The following CCDC181 variants were observed in gnomAD, a reference collection of about 807,000 sequenced individuals.
The protein encoded by CCDC181 is coiled-coil domain-containing protein 181.
In CCDC181, 35 loss-of-function variants were observed where a neutral mutation model predicts 58.7. The ratio of observed to expected loss-of-function variants is 0.60; its 90% CI spans 0.46 to 0.79. The LOEUF (loss-of-function observed/expected upper bound fraction) is 0.79, where lower values mean the gene tolerates loss of function less well. Ranked by LOEUF, CCDC181 falls within the 30% of genes least tolerant of loss-of-function variation. The pLI is 0.00. For missense variants in CCDC181, 517 were observed against 583.9 expected (o/e 0.89, Z 1.18); for synonymous variants, 183 against 197.5 (o/e 0.93, Z 0.62).
chr1:169,404,673 A>T (rs898342327), intron 4 of CCDC181, among the ~76,000 whole-genome samples: 3 of 152,192 alleles, frequency 2.0e-5, no homozygotes, highest in Admixed American at 6.5e-5. Flanking sequence ...AAATAATGAG[A>T]GCTATTTATG....
chr1:169,398,691 A>G (rs1655183220), intron 4 of CCDC181, among the ~76,000 whole-genome samples: 2 of 152,266 alleles, frequency 1.3e-5, no homozygotes, highest in Admixed American at 1.3e-4. Context: ...AGTGCTTAAC[A>G]GACACACATG....
chr1:169,459,390 A>G (rs1038177645), intron 2 of CCDC181, among the ~76,000 whole-genome samples: 1 of 152,146 alleles, frequency 6.6e-6, no homozygotes, highest in Non-Finnish European at 1.5e-5. Flanking sequence ...TAGAATTTCT[A>G]CCCATCTGGG....
At chr1:169,401,916 T>C (rs533484369) in intron 4 of CCDC181, among the ~76,000 whole-genome samples, 2 of 152,038 alleles carry the variant, frequency 1.3e-5, no homozygotes, top group African/African-American at 4.8e-5. Flanking sequence ...AAAAAAAGAT[T>C]AGACGAATGG....
chr1:169,411,427 A>G lies in CCDC181; in HGVS notation c.1215+7586T>C, dbSNP rs151107193. Among the ~76,000 whole-genome samples, 275 of 152,348 alleles carry G rather than the reference A, an allele frequency of 1.8e-3. 1 individual carries two copies. Among genetic ancestry groups the G allele is most frequent in the African/African-American group, 6.2e-3 (256 of 41,574 alleles). ...TACCAACCAAAAAAAGCCAAGGACC[A>G]GACAGATTCACAGCTGAATTCTATC... On this transcript the variant is annotated intron_variant, in intron 4 of 5. Coordinates refer to ENST00000367806, the MANE Select transcript of CCDC181 (RefSeq NM_001300969.2).
chr1:169,427,889 C>G (rs1350107839), upstream of CCDC181, among the ~76,000 whole-genome samples: 1 of 152,102 alleles, frequency 6.6e-6, no homozygotes, highest in East Asian at 1.9e-4. Flanking sequence ...TTTGCTCTAG[C>G]TTTGAGGCAT....
intron 4 of CCDC181, among the ~76,000 whole-genome samples, chr1:169,399,386 A>C (rs1163232170): frequency 2.0e-5 from 3 of 152,208 alleles, no homozygotes; most frequent in African/African-American, 7.2e-5. Context: ...TCATGCTTTA[A>C]ATGATTATTT....
intron 4 of CCDC181, among the ~76,000 whole-genome samples, chr1:169,416,311 T>C (rs1345591568): frequency 1.3e-5 from 2 of 152,178 alleles, no homozygotes; most frequent in Non-Finnish European, 1.5e-5. Context: ...ACGCCAGCCT[T>C]CTAGTCAAGT....
chr1:169,443,485 A>G (rs1441117912), intron 2 of CCDC181: 1 of 152,178 alleles, frequency 6.6e-6, no homozygotes, highest in African/African-American at 2.4e-5. Context: ...AGAAATCAAC[A>G]AACATAATTT....
intron 2 of CCDC181, among the ~76,000 whole-genome samples, chr1:169,445,742 C>G (rs1454890331): frequency 1.3e-5 from 2 of 152,128 alleles, no homozygotes; most frequent in Non-Finnish European, 2.9e-5. Flanking sequence ...TACATTTCAC[C>G]AGTGAAACAA....
intron 4 of CCDC181, among the ~76,000 whole-genome samples, chr1:169,400,761 G>A (rs899178463): frequency 1.2e-4 from 18 of 152,182 alleles, no homozygotes; most frequent in East Asian, 3.9e-4. Flanking sequence ...TGCAGAAGAC[G>A]GGTGATTTCT....
At chr1:169,430,258 T>C (rs1656879706), upstream of CCDC181, among the ~76,000 whole-genome samples, 1 of 152,226 alleles carries the variant, frequency 6.6e-6, no homozygotes, top group South Asian at 2.1e-4. Flanking sequence ...TGCTTAGTTT[T>C]CCTTTGGCTC....
upstream of CCDC181, among the ~76,000 whole-genome samples, chr1:169,429,102 A>T (rs191248599): frequency 6.6e-6 from 1 of 152,304 alleles, no homozygotes; most frequent in East Asian, 1.9e-4. Flanking sequence ...AATAACCTCC[A>T]TTTCCATCCA....
intron 4 of CCDC181, among the ~76,000 whole-genome samples, chr1:169,401,459 G>C (rs976135491): frequency 6.6e-6 from 1 of 152,206 alleles, no homozygotes; most frequent in African/African-American, 2.4e-5. Flanking sequence ...GCTTCCAGAG[G>C]AAGGATCAGG....
intron 2 of CCDC181, among the ~76,000 whole-genome samples, chr1:169,455,114 A>C (rs546161378): frequency 1.3e-5 from 2 of 151,980 alleles, no homozygotes; most frequent in Non-Finnish European, 2.9e-5. Flanking sequence ...ATGAGAGTTA[A>C]ATTAGTAATA....
At chr1:169,452,053 G>C (rs1271548005) in intron 2 of CCDC181, among the ~76,000 whole-genome samples, 7 of 151,930 alleles carry the variant, frequency 4.6e-5, no homozygotes, top group Non-Finnish European at 1.0e-4. Context: ...GCGTAGACAT[G>C]GTTCATAAAG....
At chr1:169,420,524 C>T (rs1378601683) in intron 3 of CCDC181, among the ~76,000 whole-genome samples, 1 of 151,430 alleles carries the variant, frequency 6.6e-6, no homozygotes, top group Non-Finnish European at 1.5e-5. Context: ...AATTTTTATT[C>T]CAGTTTGCTA....
chr1:169,403,697 A>C (rs866700770), intron 4 of CCDC181, among the ~76,000 whole-genome samples: 4 of 152,382 alleles, frequency 2.6e-5, no homozygotes, highest in Middle Eastern at 3.4e-3. Context: ...AAATGCCCAC[A>C]AGAGAAAGCA....
At chr1:169,440,959 A>G (rs1166226189) in intron 2 of CCDC181, among the ~76,000 whole-genome samples, 4 of 148,784 alleles carry the variant, frequency 2.7e-5, no homozygotes, top group African/African-American at 9.8e-5. Context: ...AAGATGAGGT[A>G]TGGCGTAACA....
chr1:169,431,366 A>G (rs1355230352), upstream of CCDC181, among the ~76,000 whole-genome samples: 2 of 106,692 alleles, frequency 1.9e-5, no homozygotes, highest in Non-Finnish European at 4.6e-5. Context: ...TTGGTAGCCA[A>G]AAGTGGAAAT....
Sources: gnomAD v4.1 joint callset for allele counts (sites outside exome capture counted in the v4.1 genomes callset) on GRCh38, gnomAD v4.1.1 for gene constraint, MANE v1.5 for transcripts, NCBI Gene and HGNC (gene_info 2026-07-23, HGNC 2026-07-21) for gene names.